SYBU: variants seen among roughly 807,000 people sequenced by gnomAD.
SYBU encodes the protein GOLSYN A protein.
A neutral mutation model predicts 35.9 loss-of-function variants in SYBU; 21 were observed. The ratio of observed to expected loss-of-function variants is 0.58; its 90% CI spans 0.41 to 0.84. The LOEUF is 0.84. Among genes scored for constraint, SYBU ranks in the 40% least tolerant of loss-of-function variants. The pLI is 0.00. For missense variants in SYBU, 768 were observed against 848.2 expected (o/e 0.91, Z 1.17); for synonymous variants, 319 against 324.3 (o/e 0.98, Z 0.18).
intron 2 of SYBU, among the ~76,000 whole-genome samples, chr8:109,626,726 A>G (rs191722330): frequency 1.3e-5 from 2 of 152,286 alleles, no homozygotes; most frequent in Admixed American, 1.3e-4. Context: ...CCTAGGAAAC[A>G]TGGTGAAACC....
Position 109,575,067 on chromosome 8 carries a change from G to C in SYBU, c.1831C>G (p.Leu611Val). ...QYWSSSFLVD[L>V]LAVAAPVVPT... ...ACCACGGGGGCAGCCACAGCCAGGA[G>C]ATCCACCAGGAAGCTGCTGCTCCAG... is the stretch of plus-strand genomic sequence containing the variant. Residue 611 changes from leucine to valine, a missense_variant, in exon 7 of 7, where the codon CTC (leucine) becomes GTC (valine). By Grantham distance (32) the Leu-to-Val change is conservative. Transcript: ENST00000276646. 6.2e-7 allele frequency: 1 copy of C among 1,609,000 alleles called. No homozygotes were observed. The highest frequency in any genetic ancestry group is 1.1e-5 in the South Asian group (1 of 90,470).
At chr8:109,576,064 A>AAAC in intron 6 of SYBU, 51 bp from the exon 7 acceptor site, 1 of 1,483,726 alleles carries the variant, frequency 6.7e-7, no homozygotes, top group Non-Finnish European at 8.9e-7. Context: ...AAAAAAAAAA[A>AAAC]AAAAAACTTT....
chr8:109,663,593 G>A (rs1212202604), intron 1 of SYBU, among the ~76,000 whole-genome samples: 1 of 151,972 alleles, frequency 6.6e-6, no homozygotes, highest in Non-Finnish European at 1.5e-5. Context: ...GATAGAAGTG[G>A]CATTTTTTAT....
intron 3 of SYBU, among the ~76,000 whole-genome samples, chr8:109,592,403 T>C (rs1212116375): frequency 2.6e-5 from 4 of 151,990 alleles, no homozygotes; most frequent in African/African-American, 9.7e-5. Flanking sequence ...CTAGAGTCTC[T>C]TGTGGTTTAG....
chr8:109,579,969 C>G lies in SYBU; in HGVS notation c.564G>C (p.Ser188=). The part of the protein sequence containing the change: ...RGPHGRSNGA[S]SHKPGSSPSS... ...ATGGGCTGCTGCCAGGCTTGTGTGA[C>G]GAAGCTCCATTACTCCGCCCATGAG... is the stretch of plus-strand genomic sequence containing the variant. The change falls in exon 5 of 7, where the codon TCG becomes TCC. Residue 188 remains serine (S), a synonymous_variant. Coordinates refer to ENST00000276646, the MANE Select transcript of SYBU (RefSeq NM_001099754.2). 2 of 1,613,166 alleles carry G rather than the reference C, an allele frequency of 1.2e-6. No individual in the cohort carries two copies. The highest frequency in any genetic ancestry group is 1.3e-5 in the African/African-American group (1 of 74,968).
rs1277508909 is a variant in SYBU at position 109,575,315 on chromosome 8, G to A, written c.1583C>T (p.Ser528Leu). Residue 528 changes from serine to leucine, a missense_variant, in exon 7 of 7, where the codon TCG becomes TTG. Physicochemically the swap from Ser to Leu is moderately radical, Grantham distance 145. Coordinates refer to ENST00000276646, the MANE Select transcript of SYBU (RefSeq NM_001099754.2). ...LASPDESEPDSMESFPESLSA... is the reference protein window; with the variant it reads ...LASPDESEPDLMESFPESLSA... ...GAGGGACTCTGGGAAGCTCTCCATC[G>A]AGTCTGGTTCAGACTCATCAGGGGA... 7 of 1,614,176 alleles carry A rather than the reference G, an allele frequency of 4.3e-6. No homozygotes were observed. Among genetic ancestry groups the A allele is most frequent in the East Asian group, 2.2e-5 (1 of 44,872 alleles).
chr8:109,616,816 C>T (rs760053411), intron 3 of SYBU, among the ~76,000 whole-genome samples: 6 of 151,586 alleles, frequency 4.0e-5, no homozygotes, highest in Non-Finnish European at 8.8e-5. Context: ...CTCTAATGTG[C>T]ACTAGAGCCT....
At chr8:109,647,036 C>T (rs762826026), upstream of SYBU, 5 of 152,202 alleles carry the variant, frequency 3.3e-5, no homozygotes, top group Non-Finnish European at 7.3e-5. Context: ...TTTCCACAAG[C>T]CTTTATGAAA....
At chr8:109,673,449 G>C (rs868021773) in intron 1 of SYBU, among the ~76,000 whole-genome samples, 5 of 152,278 alleles carry the variant, frequency 3.3e-5, no homozygotes, top group Middle Eastern at 3.4e-3. Context: ...GGGCCTGACT[G>C]TTAGAAGGAA....
intron 1 of SYBU, among the ~76,000 whole-genome samples, chr8:109,662,162 A>C (rs1228403567): frequency 6.6e-6 from 1 of 152,188 alleles, no homozygotes; most frequent in Non-Finnish European, 1.5e-5. Flanking sequence ...AGACTGCCTA[A>C]ATTAAAATTT....
chr8:109,640,614 T>C (rs1814745379), intron 2 of SYBU, among the ~76,000 whole-genome samples: 1 of 152,208 alleles, frequency 6.6e-6, no homozygotes, highest in Admixed American at 6.5e-5. Flanking sequence ...CTAGGAATAC[T>C]AACTGTGATA....
At chr8:109,636,009 C>G (rs770446304) in intron 2 of SYBU, among the ~76,000 whole-genome samples, 3 of 152,202 alleles carry the variant, frequency 2.0e-5, no homozygotes, top group Non-Finnish European at 4.4e-5. Flanking sequence ...ATATCCAGTT[C>G]TAGAGTTCCC....
Position 109,584,065 on chromosome 8 carries a change from G to T in SYBU, c.530+1995C>A, listed in dbSNP as rs1245733361. Reference sequence around the variant, plus strand: ...ACTCCTGAACTCAGTTGATCCATCCGCCTTGGCCTCCTAAAAGTGCTGGGA... The same window carrying T: ...ACTCCTGAACTCAGTTGATCCATCCTCCTTGGCCTCCTAAAAGTGCTGGGA... On this transcript the variant is annotated intron_variant, in intron 4 of 6. Transcript: ENST00000276646. The surrounding 1 kb of genome is among the most constrained non-coding windows in gnomAD (Gnocchi z 4.0). 6.6e-6 allele frequency among the ~76,000 whole-genome samples: 1 copy of T among 151,432 alleles called. No individual in the cohort carries two copies. The highest frequency in any genetic ancestry group is 1.5e-5 in the Non-Finnish European group (1 of 67,940).
At chr8:109,579,244 T>G (rs2131208342) in intron 5 of SYBU, among the ~76,000 whole-genome samples, 1 of 152,280 alleles carries the variant, frequency 6.6e-6, no homozygotes, top group South Asian at 2.1e-4. Context: ...GTTCCTTCTT[T>G]CTGCTCCACA....
upstream of SYBU, chr8:109,645,475 C>T (rs1815562991): frequency 2.7e-6 from 1 of 373,104 alleles, no homozygotes; most frequent in Non-Finnish European, 5.3e-6. Flanking sequence ...CCCAGCGCTG[C>T]CCTGCAGCTG....
chr8:109,642,694 T>G, intron 2 of SYBU, 34 bp downstream of exon 2: 1 of 1,505,218 alleles, frequency 6.6e-7, no homozygotes, highest in Non-Finnish European at 9.0e-7. Context: ...TGCACACGCT[T>G]CACGCCTCTG....
chr8:109,673,091 G>A (rs1050713324), intron 1 of SYBU, among the ~76,000 whole-genome samples: 8 of 152,166 alleles, frequency 5.3e-5, no homozygotes, highest in East Asian at 3.9e-4. Flanking sequence ...GGGAAGGGGC[G>A]GCTGTGGACA....
chr8:109,662,016 C>G (rs551857379), intron 1 of SYBU, among the ~76,000 whole-genome samples: 7 of 152,292 alleles, frequency 4.6e-5, no homozygotes, highest in African/African-American at 1.7e-4. Flanking sequence ...ATCCCAAACC[C>G]AAACTATATT....
At chr8:109,661,972 G>T (rs1421348413) in intron 1 of SYBU, among the ~76,000 whole-genome samples, 1 of 152,156 alleles carries the variant, frequency 6.6e-6, no homozygotes, top group Non-Finnish European at 1.5e-5. Flanking sequence ...CCAAGCCGAG[G>T]TCTTTTATTT....
Sources: allele counts gnomAD v4.1 joint callset (sites outside exome capture counted in the v4.1 genomes callset), GRCh38; gene constraint gnomAD v4.1.1; non-coding constraint Gnocchi (gnomAD v3.1); transcripts MANE v1.5; gene names NCBI Gene and HGNC (gene_info 2026-07-23, HGNC 2026-07-21).